The following KCNIP4 variants were observed in gnomAD, a reference collection of about 807,000 sequenced individuals.
The protein encoded by KCNIP4 is Kv channel-interacting protein 4.
Under a neutral mutation model 34.0 loss-of-function variants are expected in KCNIP4, and 12 were observed. The observed-to-expected ratio is 0.35, with a 90% CI of 0.23 to 0.57. The LOEUF is 0.57. KCNIP4 is among the 20% of genes least tolerant of loss of function. KCNIP4 has a pLI of 0.83. For missense variants in KCNIP4, 238 were observed against 311.7 expected (o/e 0.76, Z 1.78); for synonymous variants, 124 against 102.2 (o/e 1.21, Z -1.29).
intron 1 of KCNIP4, among the ~76,000 whole-genome samples, chr4:21,023,894 A>G (rs952338935): frequency 2.6e-5 from 4 of 152,146 alleles, no homozygotes; most frequent in African/African-American, 9.7e-5. Flanking sequence ...AAAAAACGAA[A>G]AAAGAAAAAT....
At chr4:21,713,681 A>G (rs1401018205) in intron 1 of KCNIP4, among the ~76,000 whole-genome samples, 1 of 152,182 alleles carries the variant, frequency 6.6e-6, no homozygotes, top group Non-Finnish European at 1.5e-5. Context: ...TTACTCTGCT[A>G]TTGAACATTA....
At chr4:21,389,523 A>G (rs1577284797) in intron 1 of KCNIP4, among the ~76,000 whole-genome samples, 3 of 134,060 alleles carry the variant, frequency 2.2e-5, no homozygotes, top group African/African-American at 2.9e-5. Context: ...TTATTGTTCA[A>G]TTCCCACCTA....
intron 1 of KCNIP4, among the ~76,000 whole-genome samples, chr4:21,786,640 T>C (rs889837667): frequency 6.6e-6 from 1 of 150,854 alleles, no homozygotes; most frequent in Non-Finnish European, 1.5e-5. Flanking sequence ...TGATCTCCTC[T>C]CATTGCAAGC....
At position 21,888,273 on chromosome 4, in the gene KCNIP4, G is replaced by T. The variant is rs1726898859; in HGVS notation, c.61+60298C>A. Among the ~76,000 whole-genome samples, 5 of 152,076 alleles carry T rather than the reference G, an allele frequency of 3.3e-5. No homozygotes were observed. The South Asian group carries it at 1.0e-3, about 32-fold the overall frequency. ...CTCATACACAGAATAACTTAAAGAA[G>T]AGTAAGGGAAAACTGGTGCAGGCCA... is the stretch of plus-strand genomic sequence containing the variant. On this transcript the variant is annotated intron_variant, in intron 1 of 8. Transcript: ENST00000382152.
chr4:20,857,670 CCCACTTT>C (rs1219122505), intron 2 of KCNIP4, among the ~76,000 whole-genome samples: 2 of 149,804 alleles, frequency 1.3e-5, no homozygotes, highest in Non-Finnish European at 3.0e-5. Flanking sequence ...CTTCCCACTT[CCCACTTT>C]GCCACAGTCT....
Position 21,061,954 on chromosome 4 carries a change from CAA to C in KCNIP4, c.62-179247_62-179246del, listed in dbSNP as rs562088385. Among the ~76,000 whole-genome samples, 7 of 152,216 alleles carry C rather than the reference CAA, an allele frequency of 4.6e-5. No individual in the cohort carries two copies. In the South Asian group the frequency reaches 1.5e-3, roughly 32 times the overall value. ...AGCAGGCAGATGGCCATCTACAAGC[CAA>C]AGAGAGAGCCCTCAGAAGAAATCTA... On this transcript the variant is annotated intron_variant, in intron 1 of 8. Transcript: ENST00000382152.
chr4:21,699,431 T>C (rs1712645503), intron 1 of KCNIP4, among the ~76,000 whole-genome samples: 1 of 152,134 alleles, frequency 6.6e-6, no homozygotes, highest in Non-Finnish European at 1.5e-5. Context: ...ACATATCCCA[T>C]ATGAGTAAGT....
chr4:21,581,357 T>G (rs1741184414), intron 1 of KCNIP4, among the ~76,000 whole-genome samples: 2 of 151,986 alleles, frequency 1.3e-5, no homozygotes, highest in African/African-American at 4.8e-5. Context: ...ATAGACATGT[T>G]CTTTGGATGC....
intron 1 of KCNIP4, among the ~76,000 whole-genome samples, chr4:21,516,362 T>C (rs923729665): frequency 6.6e-6 from 1 of 152,184 alleles, no homozygotes; most frequent in Non-Finnish European, 1.5e-5. Flanking sequence ...AACTGTCACA[T>C]GTGCATATCA....
chr4:20,935,890 T>TCA (rs1448803236), intron 1 of KCNIP4, among the ~76,000 whole-genome samples: 1 of 152,180 alleles, frequency 6.6e-6, no homozygotes, highest in Non-Finnish European at 1.5e-5. Context: ...GCTGCCATCA[T>TCA]CATCACTCCC....
At chr4:21,708,809 C>T (rs1247502285) in intron 1 of KCNIP4, among the ~76,000 whole-genome samples, 2 of 152,096 alleles carry the variant, frequency 1.3e-5, no homozygotes, top group Non-Finnish European at 2.9e-5. Context: ...TCCATTGGAA[C>T]CTAATGGACT....
At chr4:20,841,070 T>C (rs1485990435) in intron 3 of KCNIP4, among the ~76,000 whole-genome samples, 4 of 152,190 alleles carry the variant, frequency 2.6e-5, no homozygotes, top group Non-Finnish European at 5.9e-5. Context: ...CTACTGGGTG[T>C]AGTTCTTTTA....
chr4:21,840,076 T>A (rs1723585619), intron 1 of KCNIP4, among the ~76,000 whole-genome samples: 1 of 152,010 alleles, frequency 6.6e-6, no homozygotes. Flanking sequence ...TACACATTGG[T>A]TCTTTACCAT....
chr4:20,937,222 C>CTTTTTTT (rs397992488), intron 1 of KCNIP4, among the ~76,000 whole-genome samples: 2 of 45,530 alleles, frequency 4.4e-5, no homozygotes, highest in African/African-American at 1.7e-4. Context: ...CCCAAGGAGT[C>CTTTTTTT]TTTTTTTTTT....
At chr4:21,185,862 T>C (rs1234046858) in intron 1 of KCNIP4, among the ~76,000 whole-genome samples, 1 of 152,096 alleles carries the variant, frequency 6.6e-6, no homozygotes, top group Non-Finnish European at 1.5e-5. Flanking sequence ...TCAGAAAAAA[T>C]AATTGCCACT....
At chr4:21,588,663 T>C (rs755941528) in intron 1 of KCNIP4, among the ~76,000 whole-genome samples, 1 of 150,330 alleles carries the variant, frequency 6.7e-6, no homozygotes, top group African/African-American at 2.5e-5. Context: ...GCAGAGGTAC[T>C]CTAAAAAAAT....
chr4:21,693,084 C>T lies in KCNIP4; in HGVS notation c.61+255487G>A, dbSNP rs916973373. 2.0e-5 allele frequency among the ~76,000 whole-genome samples: 3 copies of T among 151,824 alleles called. 1 individual carries two copies. On this transcript the variant is annotated intron_variant, in intron 1 of 8. Transcript: ENST00000382152. ...CAGAAACAAACTTTGTTCAAGTCTCCGATTTTGCTTAGGATCACCTCTTCC... is the reference window on the plus strand; with the variant it reads ...CAGAAACAAACTTTGTTCAAGTCTCTGATTTTGCTTAGGATCACCTCTTCC...
intron 1 of KCNIP4, among the ~76,000 whole-genome samples, chr4:21,788,915 A>G (rs1421312958): frequency 2.6e-5 from 4 of 151,988 alleles, no homozygotes; most frequent in African/African-American, 9.7e-5. Flanking sequence ...TCTACTAAAA[A>G]TACAACAATT....
intron 1 of KCNIP4, among the ~76,000 whole-genome samples, chr4:20,975,611 C>T (rs1026500335): frequency 2.0e-5 from 3 of 152,000 alleles, no homozygotes; most frequent in Admixed American, 1.3e-4. Context: ...TTCCACCAAC[C>T]GCCTAAAAAG....
Sources: allele counts gnomAD v4.1 joint callset (sites outside exome capture counted in the v4.1 genomes callset), GRCh38; gene constraint gnomAD v4.1.1; transcripts MANE v1.5; gene names NCBI Gene and HGNC (gene_info 2026-07-23, HGNC 2026-07-21).